Variants in ENTPD1 observed in about 807,000 individuals in gnomAD.
ENTPD1 encodes the protein ATP diphosphohydrolase.
Under a neutral mutation model 57.0 loss-of-function variants are expected in ENTPD1, and 33 were observed. That is an observed-to-expected ratio of 0.58 (90% confidence interval 0.44 to 0.77). ENTPD1 has a LOEUF of 0.77. Ranked by LOEUF, ENTPD1 falls within the 30% of genes least tolerant of loss-of-function variation. The pLI, the probability that ENTPD1 is intolerant of heterozygous loss-of-function variation, is 0.00. For missense variants in ENTPD1, 501 were observed against 603.4 expected, an observed-to-expected ratio of 0.83 and a Z score of 1.78; for synonymous variants, 202 against 218.8, an observed-to-expected ratio of 0.92 and a Z score of 0.68.
In ENTPD1 at chr10:95,871,831, TG is replaced by T. The variant is rs2098480800; in HGVS notation, c.*5450del. 1 of 985,310 alleles carries T rather than the reference TG, an allele frequency of 1.0e-6. No individual in the cohort carries two copies. 61.0% of individuals were successfully genotyped at this position (985,310 alleles called of 1,614,324 possible). ...TCATCAGAGAACATGTATTAGTCAATGGTAAGTAAGATACTCTCATCTAAGA... is the reference window on the plus strand; with the variant it reads ...TCATCAGAGAACATGTATTAGTCAATGTAAGTAAGATACTCTCATCTAAGA... On this transcript the variant is annotated 3_prime_UTR_variant, in exon 10 of 10. Transcript: ENST00000371205.
chr10:95,810,553 C>T (rs117163620), intron 1 of ENTPD1, among the ~76,000 whole-genome samples: 6,159 of 152,302 alleles, frequency 0.04, 178 homozygotes, highest in Middle Eastern at 0.12. Context: ...CCTCACTTCC[C>T]AGACAGGGTT....
chr10:95,712,154 G>A (rs1352740825), intron 1 of ENTPD1, among the ~76,000 whole-genome samples: 1 of 152,158 alleles, frequency 6.6e-6, no homozygotes, highest in East Asian at 1.9e-4. Flanking sequence ...CGACTCTGGT[G>A]TCCTTTTTTG....
At chr10:95,695,547 TA>T in the ENTPD1 span, among the ~76,000 whole-genome samples, 1 of 152,250 alleles carries the variant, frequency 6.6e-6, no homozygotes, top group South Asian at 2.1e-4. Flanking sequence ...AGTCAGTAGC[TA>T]AAAGTCTCTC....
intron 1 of ENTPD1, among the ~76,000 whole-genome samples, chr10:95,808,279 T>G (rs1486083187): frequency 6.6e-6 from 1 of 152,238 alleles, no homozygotes; most frequent in African/African-American, 2.4e-5. Flanking sequence ...TACTTGATTG[T>G]GGTGGATAAG....
intron 1 of ENTPD1, among the ~76,000 whole-genome samples, chr10:95,796,981 GAGAA>G (rs2098229018): frequency 6.6e-6 from 1 of 152,136 alleles, no homozygotes; most frequent in African/African-American, 2.4e-5. Flanking sequence ...GCTGAGACAG[GAGAA>G]TCACTTGAGT....
At chr10:95,710,274 G>T (rs1345511113), upstream of ENTPD1, among the ~76,000 whole-genome samples, 3 of 151,968 alleles carry the variant, frequency 2.0e-5, no homozygotes, top group African/African-American at 7.2e-5. Flanking sequence ...GTGTGGTGGT[G>T]CTGGCCTGTA....
chr10:95,697,076 G>T, the ENTPD1 span, among the ~76,000 whole-genome samples: 1 of 152,198 alleles, frequency 6.6e-6, no homozygotes, highest in Non-Finnish European at 1.5e-5. Flanking sequence ...ATTGAAGGTG[G>T]ACAAACAACA....
Position 95,872,903 on chromosome 10 carries a change from T to G in ENTPD1, c.*6520T>G. 5 of 985,480 alleles carry G rather than the reference T, an allele frequency of 5.1e-6. No individual in the cohort carries two copies. Among genetic ancestry groups the G allele is most frequent in the Non-Finnish European group, 6.0e-6 (5 of 829,936 alleles). 61.0% of individuals were successfully genotyped at this position (985,480 alleles called of 1,614,324 possible). On this transcript the variant is annotated 3_prime_UTR_variant, in exon 10 of 10. Coordinates refer to ENST00000371205, the MANE Select transcript of ENTPD1 (RefSeq NM_001776.6). Reference sequence around the variant, plus strand: ...CATGGAACTTTTCCTTTTTGGAACATGCCTTTAGTTTCTGTGTAGTTTGCC... The same window carrying G: ...CATGGAACTTTTCCTTTTTGGAACAGGCCTTTAGTTTCTGTGTAGTTTGCC...
At chr10:95,815,407 G>A (rs1207322123) in intron 1 of ENTPD1, among the ~76,000 whole-genome samples, 1 of 152,184 alleles carries the variant, frequency 6.6e-6, no homozygotes, top group African/African-American at 2.4e-5. Context: ...CTGACTGTCA[G>A]GGATGAGATT....
chr10:95,749,279 G>T (rs913840324), intron 1 of ENTPD1, among the ~76,000 whole-genome samples: 2 of 152,158 alleles, frequency 1.3e-5, no homozygotes, highest in African/African-American at 4.8e-5. Context: ...TAATGAATTC[G>T]TTCTAAAGGT....
the ENTPD1 span, among the ~76,000 whole-genome samples, chr10:95,694,441 T>G: frequency 6.7e-6 from 1 of 149,850 alleles, no homozygotes; most frequent in African/African-American, 2.5e-5. Flanking sequence ...AAAAACACAT[T>G]AGAAATAATG....
At chr10:95,842,147 A>T (rs1453612021) in intron 3 of ENTPD1, among the ~76,000 whole-genome samples, 197 bp from the exon 4 acceptor site, 1 of 152,184 alleles carries the variant, frequency 6.6e-6, no homozygotes, top group Non-Finnish European at 1.5e-5. Context: ...AACAGACCCA[A>T]CTTAAAGTCT....
At chr10:95,696,421 C>T in the ENTPD1 span, among the ~76,000 whole-genome samples, 4 of 152,126 alleles carry the variant, frequency 2.6e-5, no homozygotes, top group African/African-American at 9.7e-5. Context: ...GCTGGGACTA[C>T]AGGTGTACCC....
At chr10:95,768,295 A>G (rs2098098820) in intron 1 of ENTPD1, among the ~76,000 whole-genome samples, 1 of 152,190 alleles carries the variant, frequency 6.6e-6, no homozygotes, top group Non-Finnish European at 1.5e-5. Flanking sequence ...CTTGATTTCC[A>G]AATTTAGGAC....
chr10:95,831,467 A>G (rs1171244253), intron 2 of ENTPD1, among the ~76,000 whole-genome samples: 1 of 152,228 alleles, frequency 6.6e-6, no homozygotes, highest in African/African-American at 2.4e-5. Flanking sequence ...TTACTGTGAG[A>G]ATTCAGTGGG....
intron 6 of ENTPD1, chr10:95,846,481 G>T (rs2098435918): frequency 6.6e-6 from 1 of 152,196 alleles, no homozygotes. Flanking sequence ...ACAAAGCCAG[G>T]ATGTCATATC....
chr10:95,834,314 AAT>A (rs1241443774), intron 2 of ENTPD1, among the ~76,000 whole-genome samples: 1 of 152,264 alleles, frequency 6.6e-6, no homozygotes, highest in Non-Finnish European at 1.5e-5. Context: ...ATATTAATCA[AAT>A]AGCTGCATAA....
chr10:95,809,517 C>T (rs1397514629), intron 1 of ENTPD1, among the ~76,000 whole-genome samples: 2 of 126,460 alleles, frequency 1.6e-5, no homozygotes, highest in African/African-American at 6.2e-5. Context: ...CCAGACGGGG[C>T]AGATGCTGGG....
intron 1 of ENTPD1, among the ~76,000 whole-genome samples, chr10:95,817,174 T>C (rs1044089385): frequency 1.1e-4 from 16 of 152,102 alleles, no homozygotes; most frequent in African/African-American, 3.9e-4. Context: ...CTGATGATGG[T>C]CTCTCAGAAA....
Sources: allele counts gnomAD v4.1 joint callset (sites outside exome capture counted in the v4.1 genomes callset), GRCh38; gene constraint gnomAD v4.1.1; transcripts MANE v1.5; gene names NCBI Gene and HGNC (gene_info 2026-07-23, HGNC 2026-07-21).